THSD7B: variants seen among roughly 807,000 people sequenced by gnomAD.
THSD7B encodes the protein thrombospondin type 1 domain containing 7B.
THSD7B carries 138 observed loss-of-function variants against 213.6 expected under a neutral mutation model. The observed-to-expected ratio is 0.65, with a 90% CI of 0.56 to 0.74. The LOEUF (loss-of-function observed/expected upper bound fraction) is 0.74. Ranked by LOEUF, THSD7B falls within the 30% of genes least tolerant of loss-of-function variation. THSD7B has a pLI of 0.00. For synonymous variants in THSD7B, 742 were observed against 687.0 expected (o/e 1.08, Z -1.25); for missense variants, 1,931 against 1,991.5 (o/e 0.97, Z 0.58).
At chr2:137,000,543 T>C (rs1284803906) in intron 2 of THSD7B, among the ~76,000 whole-genome samples, 1 of 152,190 alleles carries the variant, frequency 6.6e-6, no homozygotes, top group Non-Finnish European at 1.5e-5. Flanking sequence ...AATGCACCCA[T>C]AATTTATTTT....
At chr2:136,970,711 A>G (rs533184173) in intron 2 of THSD7B, among the ~76,000 whole-genome samples, 1 of 152,318 alleles carries the variant, frequency 6.6e-6, no homozygotes, top group Non-Finnish European at 1.5e-5. Flanking sequence ...AGTTTAGTAA[A>G]TGAAAAGAAA....
chr2:136,783,000 A>G (rs1180875113), intron 1 of THSD7B, among the ~76,000 whole-genome samples: 1 of 152,240 alleles, frequency 6.6e-6, no homozygotes, highest in East Asian at 1.9e-4. Flanking sequence ...CACATTTCAG[A>G]GCAAACATCC....
At chr2:136,913,904 G>A (rs2105026524) in intron 2 of THSD7B, among the ~76,000 whole-genome samples, 1 of 152,336 alleles carries the variant, frequency 6.6e-6, no homozygotes, top group South Asian at 2.1e-4. Context: ...GTCCCTAGTG[G>A]GGTACTGCCT....
intron 12 of THSD7B, among the ~76,000 whole-genome samples, chr2:137,296,805 G>A (rs1558747173): frequency 6.6e-6 from 1 of 151,986 alleles, no homozygotes; most frequent in Non-Finnish European, 1.5e-5. Context: ...TCTGGTTTGG[G>A]TGGATAGTCC....
chr2:137,037,417 T>TAC (rs1294351260), intron 2 of THSD7B, among the ~76,000 whole-genome samples: 1 of 151,754 alleles, frequency 6.6e-6, no homozygotes, highest in Non-Finnish European at 1.5e-5. Flanking sequence ...TGTATACGTA[T>TAC]ATATATATAC....
At position 137,634,259 on chromosome 2, in the gene THSD7B, G is replaced by A. The variant is rs146216287; in HGVS notation, c.3800-8229G>A. On this transcript the variant is annotated intron_variant, in intron 20 of 27. Transcript: ENST00000409968. ...GTGATCATTTTCTGCCAATGATTGT[G>A]CATAAACTTTGGAAATTTAACTTAT... Among the ~76,000 whole-genome samples, 36 of 152,200 alleles carry A rather than the reference G, an allele frequency of 2.4e-4. No individual in the cohort carries two copies. The East Asian group carries it at 6.8e-3, about 29-fold the overall frequency.
chr2:137,555,405 C>T (rs1456846516), intron 15 of THSD7B, among the ~76,000 whole-genome samples: 2 of 152,208 alleles, frequency 1.3e-5, no homozygotes, highest in Non-Finnish European at 2.9e-5. Flanking sequence ...TGTTCTGCAG[C>T]ATCTGCTGCT....
chr2:137,073,921 C>A (rs1005512069), intron 3 of THSD7B, among the ~76,000 whole-genome samples: 4 of 152,140 alleles, frequency 2.6e-5, no homozygotes, highest in African/African-American at 4.8e-5. Flanking sequence ...ATCCTGAGTT[C>A]TAGTTTGATT....
intron 12 of THSD7B, among the ~76,000 whole-genome samples, chr2:137,385,048 T>C (rs13015014): frequency 0.56 from 85,073 of 151,966 alleles, 26,974 homozygotes; most frequent in East Asian, 0.78. Context: ...TTTCAGAGGA[T>C]AGCAAAGACC....
chr2:137,364,187 A>G (rs1685345579), intron 12 of THSD7B, among the ~76,000 whole-genome samples: 1 of 152,210 alleles, frequency 6.6e-6, no homozygotes, highest in African/African-American at 2.4e-5. Context: ...GACAAAATTC[A>G]TGCTAAAGCC....
intron 10 of THSD7B, among the ~76,000 whole-genome samples, chr2:137,267,745 C>A (rs1398015036): frequency 6.6e-6 from 1 of 152,084 alleles, no homozygotes; most frequent in East Asian, 1.9e-4. Flanking sequence ...ACGTAAAATG[C>A]CCAGGCATGG....
chr2:137,547,458 TG>T (rs1302920157), intron 15 of THSD7B, among the ~76,000 whole-genome samples: 1 of 152,038 alleles, frequency 6.6e-6, no homozygotes, highest in African/African-American at 2.4e-5. Flanking sequence ...TGTGTGTATG[TG>T]TGTGTATGTT....
At chr2:137,609,625 T>C (rs1328534949) in intron 17 of THSD7B, among the ~76,000 whole-genome samples, 2 of 152,216 alleles carry the variant, frequency 1.3e-5, no homozygotes, top group Non-Finnish European at 2.9e-5. Context: ...TCAGATATAA[T>C]GCTGGACCCG....
chr2:137,192,142 A>G (rs1340609322), intron 7 of THSD7B, among the ~76,000 whole-genome samples: 2 of 152,202 alleles, frequency 1.3e-5, no homozygotes, highest in African/African-American at 4.8e-5. Context: ...AAAGAAAAAA[A>G]TCAAAGTGGG....
Position 137,540,255 on chromosome 2 carries a change from C to T in THSD7B, c.3139-22966C>T, listed in dbSNP as rs10193949. Among the ~76,000 whole-genome samples the T allele has an allele frequency of 2.6e-3, 396 of 151,666 alleles. 5 individuals carry two copies. Among genetic ancestry groups the T allele is most frequent in the African/African-American group, 9.2e-3 (383 of 41,426 alleles). ...AAAAATAGTGGAGAAAAGATCTCCC[C>T]AAATCTCTTCCTGCATAAAAGCAGC... On this transcript the variant is annotated intron_variant, in intron 15 of 27. Coordinates refer to ENST00000409968, the MANE Select transcript of THSD7B (RefSeq NM_001316349.2).
At chr2:137,023,354 G>T (rs1291416229) in intron 2 of THSD7B, among the ~76,000 whole-genome samples, 1 of 152,130 alleles carries the variant, frequency 6.6e-6, no homozygotes, top group African/African-American at 2.4e-5. Context: ...GTGTCTGGTA[G>T]CTTCCAGGGT....
intron 12 of THSD7B, among the ~76,000 whole-genome samples, chr2:137,331,988 C>A (rs1184302500): frequency 6.6e-6 from 1 of 152,188 alleles, no homozygotes; most frequent in Non-Finnish European, 1.5e-5. Flanking sequence ...TCGCGCCTCT[C>A]CCTCCACACC....
At chr2:137,241,328 G>A (rs1231480471) in intron 9 of THSD7B, among the ~76,000 whole-genome samples, 1 of 152,126 alleles carries the variant, frequency 6.6e-6, no homozygotes, top group Non-Finnish European at 1.5e-5. Flanking sequence ...GTGTAACACT[G>A]TTGTAGAATA....
chr2:137,078,141 T>G (rs185273367), intron 3 of THSD7B, among the ~76,000 whole-genome samples: 1 of 152,184 alleles, frequency 6.6e-6, no homozygotes, highest in Admixed American at 6.5e-5. Flanking sequence ...GTTGTAGATA[T>G]GCGGCATTAT....
Sources: gnomAD v4.1 joint callset for allele counts (sites outside exome capture counted in the v4.1 genomes callset) on GRCh38, gnomAD v4.1.1 for gene constraint, MANE v1.5 for transcripts, NCBI Gene and HGNC (gene_info 2026-07-23, HGNC 2026-07-21) for gene names.